UPK1A: variants seen among roughly 807,000 people sequenced by gnomAD.
UPK1A encodes uroplakin-1a.
Under a neutral mutation model 32.3 loss-of-function variants are expected in UPK1A, and 31 were observed. The observed-to-expected ratio is 0.96, with a 90% confidence interval of 0.72 to 1.30. UPK1A has a LOEUF of 1.30. Among genes scored for constraint, UPK1A ranks in the 50% most tolerant of loss-of-function variants. The pLI, the probability that UPK1A is intolerant of heterozygous loss-of-function variation, is 0.00. For synonymous variants in UPK1A, 135 were observed against 137.1 expected (o/e 0.98, Z 0.11); for missense variants, 340 against 357.4 (o/e 0.95, Z 0.39).
chr19:35,666,620 G>A (rs1037983687), intron 1 of UPK1A, 82 bp downstream of exon 1: 3 of 590,876 alleles, frequency 5.1e-6, no homozygotes, highest in Admixed American at 5.9e-5. Context: ...TCAGGCCAGT[G>A]ACTGCCCCAC....
intron 3 of UPK1A, among the ~76,000 whole-genome samples, chr19:35,670,297 C>T (rs1968066268): frequency 6.6e-6 from 1 of 152,058 alleles, no homozygotes; most frequent in South Asian, 2.1e-4. Context: ...GGGAAAGAAG[C>T]AGGAGGGAAG....
At chr19:35,675,787 G>C in intron 5 of UPK1A, 53 bp from the exon 6 acceptor site, 1 of 1,544,760 alleles carries the variant, frequency 6.5e-7, no homozygotes, top group South Asian at 1.2e-5. Flanking sequence ...CCTCAGGCAA[G>C]CAACTGTCCT....
At chr19:35,669,779 C>T (rs747582442) in intron 3 of UPK1A, among the ~76,000 whole-genome samples, 18 of 152,188 alleles carry the variant, frequency 1.2e-4, no homozygotes, top group South Asian at 2.1e-4. Flanking sequence ...AAGAGGCTAA[C>T]AGCCTCTCCC....
At chr19:35,677,230 T>TA (rs35582877) in intron 6 of UPK1A, among the ~76,000 whole-genome samples, 12,400 of 141,372 alleles carry the variant, frequency 0.088, 579 homozygotes, top group South Asian at 0.2. Flanking sequence ...CAAGAGACTT[T>TA]AAAAAAAAAA....
rs761315971 is a variant in UPK1A at position 35,673,276 on chromosome 19, C to T, written c.330C>T (p.Ser110=). Residue 110 remains serine (S), a synonymous_variant, in exon 4 of 8, where the codon TCC becomes TCT. Transcript: ENST00000617999. ...TCGTCTACATCTTCGAGTGCGCCTC[C>T]TGCATCACGTCCTACACCCACCGTG... 3.1e-6 allele frequency: 5 copies of T among 1,614,094 alleles called. No homozygotes were observed. The East Asian group carries it at 1.1e-4, about 36-fold the overall frequency.
At chr19:35,670,007 C>G (rs1350423667) in intron 3 of UPK1A, among the ~76,000 whole-genome samples, 1 of 152,168 alleles carries the variant, frequency 6.6e-6, no homozygotes, top group Non-Finnish European at 1.5e-5. Flanking sequence ...GGAAGTGGTG[C>G]TCAGAGGAGG....
chr19:35,673,973 C>A (rs1319460403), intron 5 of UPK1A, among the ~76,000 whole-genome samples: 1 of 151,696 alleles, frequency 6.6e-6, no homozygotes, highest in Non-Finnish European at 1.5e-5. Flanking sequence ...TCATAGCTCA[C>A]TGCAACCTCC....
At chr19:35,673,399 C>T (rs1417553352) in intron 4 of UPK1A, 39 bp from the exon 5 acceptor site, 4 of 1,611,680 alleles carry the variant, frequency 2.5e-6, no homozygotes, top group Admixed American at 1.7e-5. Flanking sequence ...CTCTCCCCAC[C>T]CAGCCCTGCC....
intron 3 of UPK1A, among the ~76,000 whole-genome samples, chr19:35,669,499 T>TA (rs34854874): frequency 0.22 from 25,420 of 115,712 alleles, 2,694 homozygotes; most frequent in Middle Eastern, 0.33. Context: ...ATCCCATCTC[T>TA]AAAAAAAAAA....
exon 6 of UPK1A, chr19:35,676,011 T>C (rs746141008): frequency 6.2e-7 from 1 of 1,612,898 alleles, no homozygotes; most frequent in Admixed American, 1.7e-5. Flanking sequence ...GGACTACCTG[T>C]TCACCAAGGT....
intron 6 of UPK1A, 173 bp downstream of exon 6, chr19:35,676,192 TTTC>T (rs1448438601): frequency 2.2e-5 from 18 of 803,132 alleles, no homozygotes; most frequent in Admixed American, 5.3e-5. Flanking sequence ...TCTTTCTTTC[TTTC>T]TTTTTTTTTT....
At chr19:35,673,611 C>G (rs1312428168) in intron 5 of UPK1A, 66 bp downstream of exon 5, 1 of 1,429,020 alleles carries the variant, frequency 7.0e-7, no homozygotes, top group Non-Finnish European at 9.7e-7. Flanking sequence ...ATAGAGCTCC[C>G]GATGTGCCAG....
chr19:35,674,241 C>CTTTTTTTTTT (rs35857173), intron 5 of UPK1A, among the ~76,000 whole-genome samples: 15 of 98,980 alleles, frequency 1.5e-4, no homozygotes, highest in Admixed American at 2.4e-4. Flanking sequence ...TTCTTTTTAT[C>CTTTTTTTTTT]TTTTTTTTTT....
intron 5 of UPK1A, among the ~76,000 whole-genome samples, chr19:35,674,275 C>T (rs1297174589): frequency 9.1e-6 from 1 of 109,542 alleles, no homozygotes; most frequent in Admixed American, 1.3e-4. Context: ...GAGACAGAGT[C>T]TTGCTCTGTC....
At chr19:35,666,840 G>A (rs780220744) in exon 2 of UPK1A, 13 of 1,614,138 alleles carry the variant, frequency 8.1e-6, no homozygotes, top group East Asian at 4.5e-5. Flanking sequence ...AGCGGAGGCC[G>A]AGAAGGGATC....
rs34854874 is a variant in UPK1A at position 35,669,499 on chromosome 19, T to TAA, written c.285+866_285+867dup. Among the ~76,000 whole-genome samples, 917 of 116,224 alleles carry TAA rather than the reference T, an allele frequency of 7.9e-3. 6 individuals are homozygous for TAA. Among genetic ancestry groups the TAA allele is most frequent in the African/African-American group, 0.022 (691 of 32,066 alleles). 76.2% of individuals were successfully genotyped at this position (116,224 alleles called of 152,430 possible). On this transcript the variant is annotated intron_variant, in intron 3 of 7. Coordinates refer to ENST00000617999, the Ensembl canonical transcript of UPK1A. Reference sequence around the variant, plus strand: ...GGCCAACATGGCGAAATCCCATCTCTAAAAAAAAAAAAAAAAAAAAAATTA... The same window carrying TAA: ...GGCCAACATGGCGAAATCCCATCTCTAAAAAAAAAAAAAAAAAAAAAAAATTA...
rs770417469 is a variant in UPK1A at position 35,673,586 on chromosome 19, C to G, written c.468+41C>G. On this transcript the variant is annotated intron_variant, in intron 5 of 7. Coordinates refer to ENST00000617999, the Ensembl canonical transcript of UPK1A. ...CGGGTGCTGGGAGGGCCCTGGGCTC[C>G]GTCCACAGAGGCCGATAGAGCTCCC... 6.3e-6 allele frequency: 10 copies of G among 1,584,194 alleles called. No homozygotes were observed. In the Admixed American group the frequency reaches 1.4e-4, roughly 22 times the overall value.
At chr19:35,677,853 G>C (rs781012440) in exon 7 of UPK1A, 22 of 1,612,108 alleles carry the variant, frequency 1.4e-5, no homozygotes, top group Non-Finnish European at 1.7e-5. Flanking sequence ...ACAGCTACAC[G>C]TGGGGTATCT....
chr19:35,668,349 GA>G, intron 2 of UPK1A, 104 bp from the exon 3 acceptor site: 1 of 1,360,088 alleles, frequency 7.4e-7, no homozygotes, highest in Non-Finnish European at 1.0e-6. Flanking sequence ...ACTTTACTGA[GA>G]GGGCAGTGGA....
Sources: allele counts gnomAD v4.1 joint callset (sites outside exome capture counted in the v4.1 genomes callset), GRCh38; gene constraint gnomAD v4.1.1; transcripts MANE v1.5; gene names NCBI Gene and HGNC (gene_info 2026-07-23, HGNC 2026-07-21).